ATG3: variants seen among roughly 807,000 people sequenced by gnomAD.
ATG3 encodes the protein ubiquitin-like-conjugating enzyme ATG3.
Under a neutral mutation model 50.7 loss-of-function variants are expected in ATG3, and 25 were observed. The observed-to-expected ratio is 0.49, with a 90% CI of 0.36 to 0.69. The LOEUF (loss-of-function observed/expected upper bound fraction) is 0.69. Ranked by LOEUF, ATG3 falls within the 30% of genes least tolerant of loss-of-function variation. ATG3 has a pLI of 0.00. For missense variants in ATG3, 281 were observed against 376.0 expected (o/e 0.75, Z 2.09); for synonymous variants, 119 against 125.5 (o/e 0.95, Z 0.34).
chr3:112,537,968 A>T, intron 8 of ATG3, 78 bp from the exon 9 acceptor site: 1 of 1,397,996 alleles, frequency 7.2e-7, no homozygotes, highest in Non-Finnish European at 9.8e-7. Context: ...TATTTTTTCC[A>T]TTCTATATTT....
chr3:112,556,266 C>T (rs1301997637), intron 2 of ATG3, among the ~76,000 whole-genome samples: 2 of 152,252 alleles, frequency 1.3e-5, no homozygotes, highest in South Asian at 2.1e-4. Context: ...GAGAAATTAC[C>T]GTCCCGTCCG....
At chr3:112,558,164 G>C (rs1433728106) in intron 2 of ATG3, 2 of 536,202 alleles carry the variant, frequency 3.7e-6, no homozygotes, top group Non-Finnish European at 6.7e-6. Context: ...AAATAAAGAG[G>C]AACTACAGAG....
At chr3:112,534,406 C>A in intron 10 of ATG3, 69 bp from the exon 11 acceptor site, 23 of 1,315,082 alleles carry the variant, frequency 1.7e-5, no homozygotes, top group African/African-American at 3.0e-5. Flanking sequence ...AACATATTTT[C>A]ATTTGTAAAG....
In ATG3 at chr3:112,548,589, G is replaced by C; in HGVS notation, c.287C>G (p.Ala96Gly). The stretch of plus-strand genomic sequence containing the variant: ...ATCACCATCATCTTCTTCAATGATA[G>C]CTTCCAATTCATCTGAATATTCCAT... Reference protein sequence around the residue: ...KQMEYSDELEAIIEEDDGDGG... With the variant: ...KQMEYSDELEGIIEEDDGDGG... The change falls in exon 5 of 12, where the codon GCT becomes GGT. Residue 96 changes from alanine to glycine, a missense_variant. By Grantham distance (60) the Ala-to-Gly change is moderately conservative (BLOSUM62 0). This residue lies in a region of ATG3 where 242 missense variants were observed against 305.0 expected (regional missense o/e 0.79). Transcript: ENST00000283290. 1 of 1,613,992 alleles carries C rather than the reference G, an allele frequency of 6.2e-7. No individual in the cohort carries two copies. The highest frequency in any genetic ancestry group is 8.5e-7 in the Non-Finnish European group (1 of 1,179,974).
rs1487881421 is a variant in ATG3, at chr3:112,561,641, T to C, written c.-113A>G. 9.2e-7 allele frequency: 1 copy of C among 1,087,900 alleles called. No individual in the cohort carries two copies. Among genetic ancestry groups the C allele is most frequent in the Non-Finnish European group, 1.3e-6 (1 of 760,534 alleles). The allele number at this position is 1,087,900 out of a possible 1,614,324, so 67.4% of individuals were successfully genotyped here. A position where few individuals can be genotyped will look rare whatever the true frequency, so the allele number is the denominator to read the frequency against. On this transcript the variant is annotated 5_prime_UTR_variant, in exon 1 of 12. Transcript: ENST00000283290. ...CCACCGACTCGCATCAGCACCCGGC[T>C]GGCAGCACCCGAGGGGACGGGACGC...
At chr3:112,556,505 A>T (rs563128273) in intron 2 of ATG3, among the ~76,000 whole-genome samples, 1 of 152,016 alleles carries the variant, frequency 6.6e-6, no homozygotes, top group African/African-American at 2.4e-5. Flanking sequence ...CTGCCCGGCC[A>T]CCACCCCGTC....
At chr3:112,560,865 G>A (rs1933841559) in intron 1 of ATG3, among the ~76,000 whole-genome samples, 1 of 152,146 alleles carries the variant, frequency 6.6e-6, no homozygotes, top group Non-Finnish European at 1.5e-5. Flanking sequence ...CTAATAACCA[G>A]CTACGGCTAT....
In ATG3 at chr3:112,538,185, T is replaced by C. The variant is rs761960437; in HGVS notation, c.476-5A>G. The C allele has an allele frequency of 1.9e-6, 3 of 1,571,780 alleles. No homozygotes were observed. Among genetic ancestry groups the C allele is most frequent in the Admixed American group, 3.8e-5 (2 of 53,108 alleles). On this transcript the variant is annotated splice_region_variant and splice_polypyrimidine_tract_variant and intron_variant, in intron 7 of 11. Coordinates refer to ENST00000283290, the MANE Select transcript of ATG3 (RefSeq NM_022488.5). ...ACAATCCACTCTCTTCATATTCTGT[T>C]ATAAAAAAACAACAAAAGATTAATC...
chr3:112,533,142 ATAGAC>A, intron 11 of ATG3: 2 of 994,588 alleles, frequency 2.0e-6, no homozygotes, highest in South Asian at 4.5e-5. Flanking sequence ...ATGAGGCAGA[ATAGAC>A]TATAATGAAG....
At chr3:112,543,382 G>A (rs1160950048) in intron 6 of ATG3, among the ~76,000 whole-genome samples, 1 of 151,958 alleles carries the variant, frequency 6.6e-6, no homozygotes, top group Admixed American at 6.6e-5. Context: ...ACCTACAACA[G>A]CCTAAAATAA....
intron 6 of ATG3, among the ~76,000 whole-genome samples, chr3:112,542,680 T>A (rs1933263671): frequency 6.6e-6 from 1 of 152,066 alleles, no homozygotes; most frequent in Admixed American, 6.5e-5. Context: ...ATTTAACAAA[T>A]TAATCATTAA....
At chr3:112,550,881 C>T (rs1419445606) in intron 3 of ATG3, among the ~76,000 whole-genome samples, 5 of 152,182 alleles carry the variant, frequency 3.3e-5, no homozygotes, top group Non-Finnish European at 7.4e-5. Context: ...AATTAGTCTT[C>T]ATAACTCTAA....
At chr3:112,538,310 GAATA>G (rs1933131999) in intron 7 of ATG3, 130 bp from the exon 8 acceptor site, 1 of 669,228 alleles carries the variant, frequency 1.5e-6, no homozygotes, top group Non-Finnish European at 2.5e-6. Context: ...TGAAGATATT[GAATA>G]GATAGATATA....
At chr3:112,546,046 A>G (rs1459106831) in intron 5 of ATG3, among the ~76,000 whole-genome samples, 3 of 150,778 alleles carry the variant, frequency 2.0e-5, no homozygotes, top group Non-Finnish European at 4.4e-5. Context: ...TAAAGCTGCA[A>G]TATCAACACT....
rs556080953 is a variant in ATG3, at chr3:112,556,267, G to A, written c.114+2109C>T. Among the ~76,000 whole-genome samples, 18 of 152,372 alleles carry A rather than the reference G, an allele frequency of 1.2e-4. 1 individual carries two copies. The South Asian group carries it at 3.3e-3, about 28-fold the overall frequency. On this transcript the variant is annotated intron_variant, in intron 2 of 11. Transcript: ENST00000283290. ...GATTTCCTCATTAGGAGAAATTACC[G>A]TCCCGTCCGGGAGGTGAGGGGCGCC...
intron 5 of ATG3, among the ~76,000 whole-genome samples, chr3:112,544,580 G>T (rs1933321106): frequency 6.7e-6 from 1 of 148,408 alleles, no homozygotes; most frequent in Non-Finnish European, 1.5e-5. Context: ...CTTGGACCCG[G>T]AAGGTGGAGG....
intron 5 of ATG3, among the ~76,000 whole-genome samples, chr3:112,547,404 T>C (rs1163859665): frequency 6.6e-6 from 1 of 152,070 alleles, no homozygotes; most frequent in South Asian, 2.1e-4. Context: ...AGTGCCAAGG[T>C]TGAGAAACCC....
At chr3:112,533,157 G>A in intron 11 of ATG3, 1 of 986,158 alleles carries the variant, frequency 1.0e-6, no homozygotes. Context: ...CTATAATGAA[G>A]TACTATAGCA....
chr3:112,546,995 G>A (rs1472202769), intron 5 of ATG3, among the ~76,000 whole-genome samples: 3 of 152,328 alleles, frequency 2.0e-5, no homozygotes, highest in East Asian at 1.9e-4. Context: ...ACTCCATAAG[G>A]AAAGAGATGG....
Sources: gnomAD v4.1 joint callset for allele counts (sites outside exome capture counted in the v4.1 genomes callset) on GRCh38, gnomAD v4.1.1 for gene constraint, gnomAD v4.1.1 regional missense constraint, MANE v1.5 for transcripts, NCBI Gene and HGNC (gene_info 2026-07-23, HGNC 2026-07-21) for gene names.